The following FGD4 variants were observed in gnomAD, a reference collection of about 807,000 sequenced individuals.
The protein encoded by FGD4 is FYVE, RhoGEF and PH domain-containing protein 4.
Under a neutral mutation model 102.0 loss-of-function variants are expected in FGD4, and 42 were observed. The observed-to-expected ratio is 0.41, with a 90% CI of 0.32 to 0.53. The LOEUF (loss-of-function observed/expected upper bound fraction) is 0.53, where lower values mean the gene tolerates loss of function less well. Ranked by LOEUF, FGD4 falls within the 20% of genes least tolerant of loss-of-function variation. The probability of loss-of-function intolerance (pLI) is 0.21; values close to 1 mark genes in which losing one functional copy is unlikely to be tolerated. For missense variants in FGD4, 902 were observed against 1,078.2 expected (o/e 0.84, Z 2.29); for synonymous variants, 380 against 375.7 (o/e 1.01, Z -0.13).
chr12:32,529,567 G>A (rs948848954), intron 1 of FGD4, among the ~76,000 whole-genome samples: 1 of 151,764 alleles, frequency 6.6e-6, no homozygotes, highest in East Asian at 1.9e-4. Flanking sequence ...ATTGCCGGCC[G>A]GGCACGGTAG....
chr12:32,400,421 A>T (rs913195246), intron 1 of FGD4, among the ~76,000 whole-genome samples: 6 of 152,186 alleles, frequency 3.9e-5, no homozygotes, highest in African/African-American at 1.4e-4. Context: ...ATTTTCTTAA[A>T]GGGACGCTTG....
At chr12:32,432,618 A>T (rs1565737126) in intron 1 of FGD4, among the ~76,000 whole-genome samples, 1 of 142,354 alleles carries the variant, frequency 7.0e-6, no homozygotes, top group South Asian at 2.3e-4. Flanking sequence ...AAAAAAAAAA[A>T]GGTAGTAATA....
chr12:32,598,799 CTA>C (rs1418889970), intron 5 of FGD4, among the ~76,000 whole-genome samples: 5 of 152,190 alleles, frequency 3.3e-5, no homozygotes, highest in Admixed American at 2.0e-4. Flanking sequence ...AGGTTTCTCT[CTA>C]TGAATCACAA....
intron 1 of FGD4, among the ~76,000 whole-genome samples, chr12:32,524,369 C>G (rs1184318949): frequency 7.4e-6 from 1 of 135,222 alleles, no homozygotes; most frequent in Admixed American, 8.6e-5. Context: ...GCACTCCAGC[C>G]TGGGCGACAG....
chr12:32,531,134 T>C (rs1405002684), intron 1 of FGD4, among the ~76,000 whole-genome samples: 11 of 151,570 alleles, frequency 7.3e-5, no homozygotes. Context: ...GTATTTTTAG[T>C]AGAGACAGGG....
At chr12:32,499,294 A>G (rs1938018949) in intron 1 of FGD4, among the ~76,000 whole-genome samples, 1 of 152,180 alleles carries the variant, frequency 6.6e-6, no homozygotes. Flanking sequence ...CACATGCCCT[A>G]CCACTTAGGT....
At chr12:32,515,237 C>T (rs1939773839) in intron 1 of FGD4, among the ~76,000 whole-genome samples, 1 of 152,208 alleles carries the variant, frequency 6.6e-6, no homozygotes, top group East Asian at 1.9e-4. Flanking sequence ...GTCCCTGCTT[C>T]TGGAAAGGGC....
At chr12:32,431,631 G>A (rs1942048269) in intron 1 of FGD4, among the ~76,000 whole-genome samples, 2 of 151,916 alleles carry the variant, frequency 1.3e-5, no homozygotes, top group South Asian at 2.1e-4. Context: ...TTTCTGGGCC[G>A]GGCGCAGTGG....
intron 8 of FGD4, among the ~76,000 whole-genome samples, chr12:32,608,850 G>A (rs1041852415): frequency 2.0e-5 from 3 of 152,142 alleles, no homozygotes; most frequent in Non-Finnish European, 2.9e-5. Flanking sequence ...GATGAGAGAC[G>A]AAGTACGTAA....
chr12:32,551,739 A>G (rs1164773747), intron 1 of FGD4, among the ~76,000 whole-genome samples: 1 of 152,264 alleles, frequency 6.6e-6, no homozygotes, highest in Non-Finnish European at 1.5e-5. Flanking sequence ...ACGGATGATC[A>G]TACCAGAAAA....
chr12:32,567,139 C>T (rs1945252395), intron 2 of FGD4, among the ~76,000 whole-genome samples: 1 of 152,180 alleles, frequency 6.6e-6, no homozygotes, highest in African/African-American at 2.4e-5. Context: ...GCACAAGCAC[C>T]ATCCTATAAA....
At chr12:32,427,323 C>T (rs183812428) in intron 1 of FGD4, among the ~76,000 whole-genome samples, 201 of 152,246 alleles carry the variant, frequency 1.3e-3, no homozygotes, top group African/African-American at 4.6e-3. Context: ...TCGTTATTTA[C>T]CCAGTAGTCA....
intron 1 of FGD4, among the ~76,000 whole-genome samples, chr12:32,535,967 T>G (rs1942216869): frequency 6.6e-6 from 1 of 152,218 alleles, no homozygotes; most frequent in South Asian, 2.1e-4. Context: ...TTTTAGGTTT[T>G]TAAACTGAGA....
chr12:32,621,596 C>T (rs1014940667), intron 11 of FGD4, among the ~76,000 whole-genome samples: 4 of 152,108 alleles, frequency 2.6e-5, no homozygotes, highest in Non-Finnish European at 5.9e-5. Flanking sequence ...CCCAGGGAGT[C>T]CAAGAATTGG....
intron 15 of FGD4, among the ~76,000 whole-genome samples, chr12:32,638,043 A>G (rs965612255): frequency 1.3e-5 from 2 of 152,176 alleles, no homozygotes; most frequent in African/African-American, 4.8e-5. Context: ...TCTTAATTGA[A>G]GTAGGTATCG....
chr12:32,625,872 C>T (rs1950133455), intron 14 of FGD4, 93 bp downstream of exon 14: 1 of 1,535,922 alleles, frequency 6.5e-7, no homozygotes, highest in African/African-American at 1.4e-5. Flanking sequence ...TGACTTTCAA[C>T]AAATCACTTA....
intron 1 of FGD4, among the ~76,000 whole-genome samples, chr12:32,431,415 G>A (rs922521522): frequency 5.9e-5 from 9 of 151,824 alleles, no homozygotes; most frequent in Admixed American, 5.2e-4. Flanking sequence ...ACTTTTTTTC[G>A]TTTGGAAAAG....
chr12:32,523,125 C>G (rs553152848), intron 1 of FGD4, among the ~76,000 whole-genome samples: 1 of 152,086 alleles, frequency 6.6e-6, no homozygotes, highest in South Asian at 2.1e-4. Flanking sequence ...TTCCCCAGAG[C>G]AGAGAGTGAA....
intron 7 of FGD4, 129 bp from the exon 8 acceptor site, chr12:32,607,828 C>A: frequency 1.0e-6 from 1 of 958,370 alleles, no homozygotes; most frequent in South Asian, 1.4e-5. Flanking sequence ...ATCTGCATTT[C>A]ATGCAGGTGA....
Sources: gnomAD v4.1 joint callset for allele counts (sites outside exome capture counted in the v4.1 genomes callset) on GRCh38, gnomAD v4.1.1 for gene constraint, MANE v1.5 for transcripts, NCBI Gene and HGNC (gene_info 2026-07-23, HGNC 2026-07-21) for gene names.